EIF3F: variants seen among roughly 807,000 people sequenced by gnomAD.
The protein encoded by EIF3F is deubiquitinating enzyme eIF3f.
EIF3F carries 8 observed loss-of-function variants against 36.0 expected under a neutral mutation model. The observed-to-expected ratio is 0.22, with a 90% CI of 0.13 to 0.40. EIF3F has a LOEUF of 0.40. Ranked by LOEUF, EIF3F falls within the 10% of genes least tolerant of loss-of-function variation. The pLI is 1.00. For missense variants in EIF3F, 430 were observed against 467.6 expected, an observed-to-expected ratio of 0.92 and a Z score of 0.74; for synonymous variants, 184 against 188.5, an observed-to-expected ratio of 0.98 and a Z score of 0.19.
At chr11:7,994,909 C>A (rs751688275) in intron 5 of EIF3F, 73 bp from the exon 6 acceptor site, 1 of 1,583,144 alleles carries the variant, frequency 6.3e-7, no homozygotes, top group Non-Finnish European at 8.6e-7. Flanking sequence ...CATCTCTTTC[C>A]TGGTGGGATG....
At chr11:7,990,943 C>A (rs1472324149) in intron 1 of EIF3F, among the ~76,000 whole-genome samples, 1 of 151,602 alleles carries the variant, frequency 6.6e-6, no homozygotes, top group African/African-American at 2.4e-5. Flanking sequence ...ACTTGTAATC[C>A]CAGCACTTTG....
At position 7,997,299 on chromosome 11, in the gene EIF3F, T is replaced by G. The variant is rs1389860032; in HGVS notation, c.*1277T>G. Reference sequence around the variant, plus strand: ...TAATCAGAGTCAAAATGTTTCAGTGTTCTTACATTTTTGGGAGTAGCCAGT... The same window carrying G: ...TAATCAGAGTCAAAATGTTTCAGTGGTCTTACATTTTTGGGAGTAGCCAGT... On this transcript the variant is annotated 3_prime_UTR_variant, in exon 8 of 8. Coordinates refer to ENST00000651655, the MANE Select transcript of EIF3F (RefSeq NM_003754.3). 2.0e-5 allele frequency: 3 copies of G among 152,204 alleles called. No individual in the cohort carries two copies. The highest frequency in any genetic ancestry group is 7.2e-5 in the African/African-American group (3 of 41,448). The allele number at this position is 152,204 out of a possible 1,614,324, so 9.4% of individuals were successfully genotyped here.
intron 4 of EIF3F, among the ~76,000 whole-genome samples, chr11:7,993,543 C>T (rs1484968022): frequency 1.3e-5 from 2 of 152,068 alleles, no homozygotes; most frequent in African/African-American, 4.8e-5. Context: ...GTTAAAATGC[C>T]AGTTATGGGG....
chr11:7,992,513 A>T, intron 3 of EIF3F: 1 of 420,774 alleles, frequency 2.4e-6, no homozygotes, highest in Non-Finnish European at 4.3e-6. Flanking sequence ...TTGAAGTTGC[A>T]GTGAGCTATG....
chr11:8,000,407 A>T lies in EIF3F; in HGVS notation c.*4385A>T, dbSNP rs531460869. On this transcript the variant is annotated 3_prime_UTR_variant, in exon 8 of 8. Coordinates refer to ENST00000651655, the MANE Select transcript of EIF3F (RefSeq NM_003754.3). ...TGGTTTCATGGACTGGAGGGAGGGGATAAATGGGGAGATGTTGGTCAAGGG... is the reference window on the plus strand; with the variant it reads ...TGGTTTCATGGACTGGAGGGAGGGGTTAAATGGGGAGATGTTGGTCAAGGG... 6.6e-6 allele frequency: 1 copy of T among 152,224 alleles called. No homozygotes were observed. The highest frequency in any genetic ancestry group is 2.4e-5 in the African/African-American group (1 of 41,538). 9.4% of individuals were successfully genotyped at this position (152,224 alleles called of 1,614,324 possible).
At chr11:7,991,498 T>A (rs908493032) in intron 1 of EIF3F, among the ~76,000 whole-genome samples, 2 of 152,134 alleles carry the variant, frequency 1.3e-5, no homozygotes, top group African/African-American at 4.8e-5. Context: ...AGTGAAGGTC[T>A]GGAATAGGCT....
rs1044385902 is a variant in EIF3F at position 7,998,916 on chromosome 11, T to A, written c.*2894T>A. The A allele has an allele frequency of 1.3e-5, 2 of 152,122 alleles. No homozygotes were observed. Among genetic ancestry groups the A allele is most frequent in the Admixed American group, 6.5e-5 (1 of 15,272 alleles). The allele number at this position is 152,122 out of a possible 1,614,324, so 9.4% of individuals were successfully genotyped here. On this transcript the variant is annotated 3_prime_UTR_variant, in exon 8 of 8. Coordinates refer to ENST00000651655, the MANE Select transcript of EIF3F (RefSeq NM_003754.3). Reference sequence around the variant, plus strand: ...CATAGTGTGGTGTTATTACTTAGCGTTATTCTAGACTTATTAGCCATTGTA... The same window carrying A: ...CATAGTGTGGTGTTATTACTTAGCGATATTCTAGACTTATTAGCCATTGTA...
Position 7,987,666 on chromosome 11 carries a change from G to T in EIF3F, c.314G>T (p.Ser105Ile). ...HPVILASIVD[S>I]YERRNEGAAR... ...GTCATTTTGGCCTCCATTGTGGACAGCTACGAGAGACGCAACGAGGGTGCT... is the reference window on the plus strand; with the variant it reads ...GTCATTTTGGCCTCCATTGTGGACATCTACGAGAGACGCAACGAGGGTGCT... The change falls in exon 1 of 8, where the codon AGC (serine) becomes ATC (isoleucine). Residue 105 changes from serine (S) to isoleucine (I), a missense_variant. Ser to Ile is a moderately radical substitution (Grantham distance 142, BLOSUM62 -2). Transcript: ENST00000651655. 1 of 1,525,746 alleles carries T rather than the reference G, an allele frequency of 6.6e-7. No individual in the cohort carries two copies. Among genetic ancestry groups the T allele is most frequent in the Non-Finnish European group, 8.8e-7 (1 of 1,140,862 alleles). The allele number at this position is 1,525,746 out of a possible 1,614,324, so 94.5% of individuals were successfully genotyped here. A position where few individuals can be genotyped will look rare whatever the true frequency, so the allele number is the denominator to read the frequency against.
In EIF3F at chr11:7,987,500, G is replaced by T; in HGVS notation, c.148G>T (p.Ala50Ser). 1 of 1,605,562 alleles carries T rather than the reference G, an allele frequency of 6.2e-7. No homozygotes were observed. Among genetic ancestry groups the T allele is most frequent in the South Asian group, 1.1e-5 (1 of 90,550 alleles). ...AAAPASSSDPAAAAAATAAPG... is the reference protein window; with the variant it reads ...AAAPASSSDPSAAAAATAAPG... ...GGCTCCAGCCTCATCCTCAGACCCT[G>T]CGGCAGCAGCGGCTGCAACTGCGGC... The change falls in exon 1 of 8, where the codon GCG (alanine) becomes TCG (serine). Residue 50 changes from alanine (A) to serine (S), a missense_variant. By Grantham distance (99) the Ala-to-Ser change is moderately conservative. Around this residue, in one of 2 missense-constraint regions of EIF3F, gnomAD observed 168 missense variants for 120.2 expected, o/e 1.40. Transcript: ENST00000651655.
rs146536132 is a variant in EIF3F at position 8,000,821 on chromosome 11, A to C, written c.*4799A>C. ...GAATAAAAACTTGTCTGAAAAAAAAACCATAAATATGAGGGAAAAAACACA... is the reference window on the plus strand; with the variant it reads ...GAATAAAAACTTGTCTGAAAAAAAACCCATAAATATGAGGGAAAAAACACA... On this transcript the variant is annotated 3_prime_UTR_variant, in exon 8 of 8. Coordinates refer to ENST00000651655, the MANE Select transcript of EIF3F (RefSeq NM_003754.3). The C allele has an allele frequency of 1.2e-4, 19 of 152,272 alleles. No homozygotes were observed. The East Asian group carries it at 1.4e-3, about 11-fold the overall frequency. 9.4% of individuals were successfully genotyped at this position (152,272 alleles called of 1,614,324 possible).
chr11:7,991,975 C>T (rs1215930975), intron 2 of EIF3F, 109 bp from the exon 3 acceptor site: 11 of 1,489,746 alleles, frequency 7.4e-6, no homozygotes, highest in African/African-American at 4.2e-5. Flanking sequence ...CCCATTTGTA[C>T]GTACTTCCTG....
rs1239614644 is a variant in EIF3F, at chr11:7,998,365, T to C, written c.*2343T>C. On this transcript the variant is annotated 3_prime_UTR_variant, in exon 8 of 8. Transcript: ENST00000651655. ...CCTGAATGAAGCTTACCTCAGTTTC[T>C]CCAGGCGGCACATCACAGTCTTCTT... 1 of 152,232 alleles carries C rather than the reference T, an allele frequency of 6.6e-6. No individual in the cohort carries two copies. Among genetic ancestry groups the C allele is most frequent in the South Asian group, 2.1e-4 (1 of 4,836 alleles). 9.4% of individuals were successfully genotyped at this position (152,232 alleles called of 1,614,324 possible). A position where few individuals can be genotyped will look rare whatever the true frequency, so the allele number is the denominator to read the frequency against.
chr11:7,987,912 T>C (rs534431541), intron 1 of EIF3F, 196 bp downstream of exon 1: 10 of 758,014 alleles, frequency 1.3e-5, no homozygotes, highest in Middle Eastern at 4.3e-4. Flanking sequence ...CTCCTCTCTC[T>C]CCTGCCGGAT....
At chr11:7,994,832 A>G (rs1256119973) in intron 5 of EIF3F, 150 bp from the exon 6 acceptor site, 23 of 1,138,878 alleles carry the variant, frequency 2.0e-5, no homozygotes, top group Non-Finnish European at 6.3e-6. Context: ...AGGGCACAGC[A>G]GGAAGTGTGA....
intron 1 of EIF3F, among the ~76,000 whole-genome samples, chr11:7,991,207 GA>G (rs977082351): frequency 7.9e-5 from 12 of 151,188 alleles, no homozygotes; most frequent in African/African-American, 1.7e-4. Context: ...AAAAAAAAAA[GA>G]AAAAAAGAAA....
In EIF3F at chr11:7,998,178, C is replaced by T. The variant is rs1942182968; in HGVS notation, c.*2156C>T. ...GAACACTGAATTAGAGAGTACTGAA[C>T]CATTATTCCCAAGGGAAATACAGGG... is the stretch of plus-strand genomic sequence containing the variant. On this transcript the variant is annotated 3_prime_UTR_variant, in exon 8 of 8. Transcript: ENST00000651655. The T allele has an allele frequency of 6.6e-6, 1 of 152,182 alleles. No individual in the cohort carries two copies. Among genetic ancestry groups the T allele is most frequent in the Admixed American group, 6.5e-5 (1 of 15,280 alleles). The allele number at this position is 152,182 out of a possible 1,614,324, so 9.4% of individuals were successfully genotyped here. A position where few individuals can be genotyped will look rare whatever the true frequency, so the allele number is the denominator to read the frequency against.
chr11:7,994,607 T>C, intron 5 of EIF3F, 90 bp downstream of exon 5: 1 of 1,294,022 alleles, frequency 7.7e-7, no homozygotes, highest in South Asian at 1.4e-5. Context: ...AGGCCTTGGG[T>C]GGTTTGAAAA....
rs747423679 is a variant in EIF3F, at chr11:7,993,040, G to T, written c.653+16G>T. 3.8e-6 allele frequency: 6 copies of T among 1,562,446 alleles called. No homozygotes were observed. Among genetic ancestry groups the T allele is most frequent in the Non-Finnish European group, 4.3e-6 (5 of 1,154,982 alleles). On this transcript the variant is annotated intron_variant, in intron 4 of 7. Transcript: ENST00000651655. ...CCTACGTCAGGTGACCACAGTCTTGGGCTACAAGGGCATAAAACCATGCCC... is the reference window on the plus strand; with the variant it reads ...CCTACGTCAGGTGACCACAGTCTTGTGCTACAAGGGCATAAAACCATGCCC...
At position 8,001,216 on chromosome 11, in the gene EIF3F, A is replaced by T. The variant is rs896876919; in HGVS notation, c.*5194A>T. The T allele has an allele frequency of 3.3e-5, 5 of 152,236 alleles. No individual in the cohort carries two copies. Among genetic ancestry groups the T allele is most frequent in the African/African-American group, 1.2e-4 (5 of 41,464 alleles). 9.4% of individuals were successfully genotyped at this position (152,236 alleles called of 1,614,324 possible). On this transcript the variant is annotated 3_prime_UTR_variant, in exon 8 of 8. Transcript: ENST00000651655. ...TTTAAAAATCAGATTCGCAAATTTT[A>T]AAAGTTGCTAACACTGGAATGGCCA...
Sources: allele counts gnomAD v4.1 joint callset (sites outside exome capture counted in the v4.1 genomes callset), GRCh38; gene constraint gnomAD v4.1.1; regional missense constraint gnomAD v4.1.1; transcripts MANE v1.5; gene names NCBI Gene and HGNC (gene_info 2026-07-23, HGNC 2026-07-21).